RBM6: variants seen among roughly 807,000 people sequenced by gnomAD.
RBM6 encodes RNA-binding protein 6.
A neutral mutation model predicts 140.4 loss-of-function variants in RBM6; 23 were observed. That is an observed-to-expected ratio of 0.16 (90% CI 0.12 to 0.23). The LOEUF (loss-of-function observed/expected upper bound fraction) is 0.23. Ranked by LOEUF, RBM6 falls within the 10% of genes least tolerant of loss-of-function variation. The pLI, the probability that RBM6 is intolerant of heterozygous loss-of-function variation, is 1.00. For synonymous variants in RBM6, 439 were observed against 475.6 expected, an observed-to-expected ratio of 0.92 and a Z score of 1.00; for missense variants, 1,139 against 1,386.7, an observed-to-expected ratio of 0.82 and a Z score of 2.84.
intron 6 of RBM6, among the ~76,000 whole-genome samples, chr3:50,003,308 T>TAAAAAAAA (rs61492386): frequency 8.9e-6 from 1 of 112,786 alleles, no homozygotes; most frequent in Non-Finnish European, 1.8e-5. Flanking sequence ...TGTCTAAATT[T>TAAAAAAAA]AAAAAAAAAA....
intron 5 of RBM6, among the ~76,000 whole-genome samples, chr3:49,977,381 G>A (rs58688714): frequency 0.017 from 2,654 of 152,200 alleles, 93 homozygotes; most frequent in African/African-American, 0.061. Context: ...TAAAATCATC[G>A]GGCAGTTGTT....
At chr3:50,016,918 C>T (rs1050578883) in intron 6 of RBM6, among the ~76,000 whole-genome samples, 6 of 151,718 alleles carry the variant, frequency 4.0e-5, no homozygotes, top group Non-Finnish European at 8.8e-5. Flanking sequence ...CTCTGCCTCC[C>T]GGGTTCAAGT....
intron 5 of RBM6, among the ~76,000 whole-genome samples, chr3:49,986,553 C>A (rs1264509678): frequency 6.7e-6 from 1 of 150,228 alleles, no homozygotes; most frequent in East Asian, 2.1e-4. Flanking sequence ...CGAGATAGCG[C>A]CAATGCACTC....
intron 6 of RBM6, 40 bp downstream of exon 6, chr3:49,999,553 A>G (rs768381629): frequency 6.8e-7 from 1 of 1,475,510 alleles, no homozygotes; most frequent in Non-Finnish European, 9.5e-7. Flanking sequence ...GGAAGGATAT[A>G]TTTTTTTATA....
intron 5 of RBM6, among the ~76,000 whole-genome samples, chr3:49,993,921 G>A (rs1320376097): frequency 1.3e-5 from 2 of 152,038 alleles, no homozygotes; most frequent in South Asian, 2.1e-4. Flanking sequence ...TAGCCTGGGC[G>A]ACAAAGGTGA....
intron 6 of RBM6, among the ~76,000 whole-genome samples, chr3:50,044,110 T>C (rs1244214177): frequency 6.9e-6 from 1 of 145,098 alleles, no homozygotes; most frequent in African/African-American, 2.6e-5. Context: ...CGAACTGAGC[T>C]CAGGCAGTCC....
At position 49,967,131 on chromosome 3, in the gene RBM6, A is replaced by C. The variant is rs367837417; in HGVS notation, c.45-339A>C. 9.3e-5 allele frequency: 74 copies of C among 796,458 alleles called. 1 individual carries two copies. In the East Asian group the frequency reaches 5.5e-3, roughly 59 times the overall value. The allele number at this position is 796,458 out of a possible 1,614,324, so 49.3% of individuals were successfully genotyped here. On this transcript the variant is annotated intron_variant, in intron 2 of 20. Transcript: ENST00000266022. The surrounding 1 kb of genome is among the most constrained non-coding windows in gnomAD (Gnocchi z 4.0). Reference sequence around the variant, plus strand: ...ATTCTTAAGTTCCCTGGCTGTAGGAAATGGAAATTTTTGTAGTATGTCACC... The same window carrying C: ...ATTCTTAAGTTCCCTGGCTGTAGGACATGGAAATTTTTGTAGTATGTCACC...
chr3:50,028,887 A>AC (rs547229633), intron 6 of RBM6, among the ~76,000 whole-genome samples: 8 of 151,572 alleles, frequency 5.3e-5, no homozygotes, highest in South Asian at 4.2e-4. Flanking sequence ...TGTGGTCTTG[A>AC]CCCCCCCAAC....
chr3:49,962,731 T>A, intron 2 of RBM6, 46 bp downstream of exon 2: 1 of 1,451,216 alleles, frequency 6.9e-7, no homozygotes, highest in East Asian at 2.5e-5. Flanking sequence ...ATTTTAATTA[T>A]AAATGTGTAA....
chr3:49,968,878 C>A, intron 3 of RBM6, 130 bp downstream of exon 3: 7 of 1,179,776 alleles, frequency 5.9e-6, no homozygotes, highest in Non-Finnish European at 6.8e-6. Flanking sequence ...CTCCTGGGTT[C>A]ATGCCATTCT....
At chr3:49,942,474 GCGAGACTC>G in intron 1 of RBM6, among the ~76,000 whole-genome samples, 1 of 147,498 alleles carries the variant, frequency 6.8e-6, no homozygotes, top group Non-Finnish European at 1.5e-5. Flanking sequence ...GGGCAACAGA[GCGAGACTC>G]CGAGACTCCA....
chr3:49,974,055 G>A (rs746905709), intron 4 of RBM6, among the ~76,000 whole-genome samples: 1 of 151,510 alleles, frequency 6.6e-6, no homozygotes, highest in African/African-American at 2.4e-5. Flanking sequence ...GTGCCACCAC[G>A]CCCGGCTAAG....
At chr3:50,016,824 GT>G (rs71080567) in intron 6 of RBM6, among the ~76,000 whole-genome samples, 16 of 86,030 alleles carry the variant, frequency 1.9e-4, no homozygotes, top group Middle Eastern at 6.4e-3. Flanking sequence ...CATGCCTAGC[GT>G]TTTTTTTTTT....
At position 50,033,870 on chromosome 3, in the gene RBM6, G is replaced by A. The variant is rs867147736; in HGVS notation, c.1558-14375G>A. Among the ~76,000 whole-genome samples, 8 of 152,128 alleles carry A rather than the reference G, an allele frequency of 5.3e-5. No individual in the cohort carries two copies. The East Asian group carries it at 5.8e-4, about 11-fold the overall frequency. On this transcript the variant is annotated intron_variant, in intron 6 of 20. Transcript: ENST00000266022. ...TAGGCCAGGATGGTCTCAATCTCCC[G>A]ACCTCGTGATCCCCCTGCCTTGGCC...
At chr3:49,992,599 G>A (rs1459888689) in intron 5 of RBM6, among the ~76,000 whole-genome samples, 1 of 152,208 alleles carries the variant, frequency 6.6e-6, no homozygotes, top group Non-Finnish European at 1.5e-5. Context: ...CCAGAGAGAC[G>A]TAGCTTGACT....
intron 1 of RBM6, among the ~76,000 whole-genome samples, chr3:49,951,717 AT>A (rs200260511): frequency 2.3e-5 from 3 of 131,510 alleles, no homozygotes; most frequent in Admixed American, 1.5e-4. Flanking sequence ...TATTATTATT[AT>A]TTTTTTGTTG....
rs533230960 is a variant in RBM6, at chr3:49,956,930, G to A, written c.-66-5646G>A. 2.6e-5 allele frequency among the ~76,000 whole-genome samples: 4 copies of A among 152,322 alleles called. No homozygotes were observed. The South Asian group carries it at 8.3e-4, about 32-fold the overall frequency. ...TCCTCCCGCCTCGGCCTCCCAAAGT[G>A]CTGGGATTACAGGCGTAAGCCACCA... On this transcript the variant is annotated intron_variant, in intron 1 of 20. Transcript: ENST00000266022.
intron 6 of RBM6, among the ~76,000 whole-genome samples, chr3:50,033,725 A>C (rs145241411): frequency 4.3e-4 from 66 of 152,236 alleles, no homozygotes; most frequent in African/African-American, 7.7e-4. Context: ...GCTCACTGCA[A>C]GCTCTGCCTC....
intron 6 of RBM6, among the ~76,000 whole-genome samples, chr3:50,025,975 T>C (rs534740287): frequency 8.5e-5 from 13 of 152,256 alleles, no homozygotes; most frequent in African/African-American, 3.1e-4. Context: ...ACGCCTGTAA[T>C]CCCAGCTACT....
Sources: allele counts gnomAD v4.1 joint callset (sites outside exome capture counted in the v4.1 genomes callset), GRCh38; gene constraint gnomAD v4.1.1; non-coding constraint Gnocchi (gnomAD v3.1); transcripts MANE v1.5; gene names NCBI Gene and HGNC (gene_info 2026-07-23, HGNC 2026-07-21).